Variants in TACR1 observed in about 807,000 individuals in gnomAD.
The protein encoded by TACR1 is tachykinin receptor 1.
Under a neutral mutation model 35.8 loss-of-function variants are expected in TACR1, and 25 were observed. The observed-to-expected ratio is 0.70, with a 90% CI of 0.51 to 0.98. The LOEUF is 0.98. TACR1 is among the 50% of genes least tolerant of loss of function. TACR1 has a pLI of 0.00. For synonymous variants in TACR1, 195 were observed against 206.7 expected (o/e 0.94, Z 0.48); for missense variants, 478 against 522.9 (o/e 0.91, Z 0.84).
At chr2:75,064,454 G>C (rs1482677034) in intron 2 of TACR1, among the ~76,000 whole-genome samples, 2 of 152,226 alleles carry the variant, frequency 1.3e-5, no homozygotes, top group Non-Finnish European at 2.9e-5. Context: ...TAGGGCAGAA[G>C]CCTAATTTAG....
chr2:75,136,162 G>A (rs1256410307), intron 1 of TACR1, among the ~76,000 whole-genome samples: 2 of 152,144 alleles, frequency 1.3e-5, no homozygotes, highest in Non-Finnish European at 2.9e-5. Flanking sequence ...TCATCTCACA[G>A]GGCACAGCCC....
At chr2:75,146,037 G>GC (rs1674503970) in intron 1 of TACR1, among the ~76,000 whole-genome samples, 2 of 152,322 alleles carry the variant, frequency 1.3e-5, no homozygotes, top group South Asian at 4.1e-4. Context: ...CACAAGGAAT[G>GC]CCAGGACAGA....
intron 1 of TACR1, among the ~76,000 whole-genome samples, chr2:75,183,473 C>T (rs769801835): frequency 1.8e-4 from 28 of 152,192 alleles, no homozygotes. Flanking sequence ...ACAAAATGCA[C>T]AGCCAAGTGA....
intron 1 of TACR1, among the ~76,000 whole-genome samples, chr2:75,124,822 A>AGAACCATAGGAG (rs1674042002): frequency 6.6e-6 from 1 of 152,008 alleles, no homozygotes; most frequent in Non-Finnish European, 1.5e-5. Flanking sequence ...AGCAGGAGGA[A>AGAACCATAGGAG]TTAGAACCAT....
chr2:75,160,878 T>A (rs1674991870), intron 1 of TACR1, among the ~76,000 whole-genome samples: 1 of 151,206 alleles, frequency 6.6e-6, no homozygotes, highest in East Asian at 1.9e-4. Context: ...TTCTGATATA[T>A]TTTCTTATTT....
At position 75,164,610 on chromosome 2, in the gene TACR1, G is replaced by T. The variant is rs186350246; in HGVS notation, c.389+33936C>A. Among the ~76,000 whole-genome samples the T allele has an allele frequency of 9.4e-3, 1,431 of 152,226 alleles. 17 individuals are homozygous for T. The highest frequency in any genetic ancestry group is 0.014 in the Non-Finnish European group (944 of 68,006). The stretch of plus-strand genomic sequence containing the variant: ...TGTTGAATTACTTTGGGCTCAGGCA[G>T]TTTGAAAGGTAAACTTAAAAAAAAA... On this transcript the variant is annotated intron_variant, in intron 1 of 4. Coordinates refer to ENST00000305249, the MANE Select transcript of TACR1 (RefSeq NM_001058.4).
At chr2:75,164,171 CA>C (rs201749391) in intron 1 of TACR1, among the ~76,000 whole-genome samples, 4,361 of 151,788 alleles carry the variant, frequency 0.029, 203 homozygotes, top group African/African-American at 0.1. Context: ...ACTAAAAATA[CA>C]AAATATTAGC....
intron 2 of TACR1, among the ~76,000 whole-genome samples, chr2:75,103,497 C>G (rs936656447): frequency 2.6e-5 from 4 of 151,978 alleles, no homozygotes; most frequent in South Asian, 2.1e-4. Context: ...AATTGAGTAA[C>G]TCAAAGAAAT....
rs1224035496 is a variant in TACR1 at position 75,049,122 on chromosome 2, G to A, written c.*310C>T. 5 of 329,534 alleles carry A rather than the reference G, an allele frequency of 1.5e-5. No homozygotes were observed. The highest frequency in any genetic ancestry group is 5.7e-5 in the East Asian group (1 of 17,542). 20.4% of individuals were successfully genotyped at this position (329,534 alleles called of 1,614,324 possible). ...AGAATTCATCCTGAAATGAGCACTCGCATGCAGCCAAAGTCACTTCCAGAA... is the reference window on the plus strand; with the variant it reads ...AGAATTCATCCTGAAATGAGCACTCACATGCAGCCAAAGTCACTTCCAGAA... On this transcript the variant is annotated 3_prime_UTR_variant, in exon 5 of 5. Transcript: ENST00000305249.
At chr2:75,145,643 A>G (rs1004139580) in intron 1 of TACR1, among the ~76,000 whole-genome samples, 4 of 152,224 alleles carry the variant, frequency 2.6e-5, no homozygotes, top group Non-Finnish European at 5.9e-5. Context: ...ATCTAGACAT[A>G]AACACGTACT....
rs771353864 is a variant in TACR1, at chr2:75,103,422, A to C, written c.584+17152T>G. Among the ~76,000 whole-genome samples the C allele has an allele frequency of 3.0e-4, 45 of 152,328 alleles. 1 individual carries two copies. In the Middle Eastern group the frequency reaches 0.014, roughly 46 times the overall value. ...TATGTCATAATGGGGTATGTCAAAG[A>C]GATACAGAAGCAACCTGAAAGTGGC... On this transcript the variant is annotated intron_variant, in intron 2 of 4. Transcript: ENST00000305249.
At chr2:75,086,640 C>T (rs1003557200) in intron 2 of TACR1, among the ~76,000 whole-genome samples, 1 of 152,056 alleles carries the variant, frequency 6.6e-6, no homozygotes, top group Non-Finnish European at 1.5e-5. Context: ...AGGAAAAGGG[C>T]CTGGTCAAGG....
Position 75,049,071 on chromosome 2 carries a change from G to A in TACR1, c.*361C>T, listed in dbSNP as rs540680893. On this transcript the variant is annotated 3_prime_UTR_variant, in exon 5 of 5. Transcript: ENST00000305249. ...GTAACACGGGGCTCCAGGAAAATGA[G>A]TCTTCCGGGTCCGCAGCTGTGCTGC... 1.5e-5 allele frequency: 3 copies of A among 204,896 alleles called. No homozygotes were observed. In the South Asian group the frequency reaches 4.4e-4, roughly 30 times the overall value. 12.7% of individuals were successfully genotyped at this position (204,896 alleles called of 1,614,324 possible).
intron 1 of TACR1, chr2:75,154,526 A>ACACACACACACACACACACT (rs1379600710): frequency 8.5e-6 from 1 of 117,214 alleles, no homozygotes; most frequent in African/African-American, 4.5e-5. Context: ...ACACACACAC[A>ACACACACACACACACACACT]CTCTCTGAAG....
intron 2 of TACR1, among the ~76,000 whole-genome samples, chr2:75,068,289 C>T (rs1008821454): frequency 6.6e-6 from 1 of 152,178 alleles, no homozygotes; most frequent in Non-Finnish European, 1.5e-5. Flanking sequence ...CCCTTAAAGC[C>T]TTCAACTGAT....
At position 75,198,689 on chromosome 2, in the gene TACR1, A is replaced by C. The variant is rs1192997453; in HGVS notation, c.246T>G (p.Ala82=). 6.2e-7 allele frequency: 1 copy of C among 1,614,220 alleles called. No individual in the cohort carries two copies. Among genetic ancestry groups the C allele is most frequent in the Non-Finnish European group, 8.5e-7 (1 of 1,180,030 alleles). The part of the protein sequence containing the change: ...VNLAFAEASM[A]AFNTVVNFTY... Reference sequence around the variant, plus strand: ...TGAAGTTCACCACTGTATTGAATGCAGCCATGGAGGCCTCCGCGAAGGCCA... The same window carrying C: ...TGAAGTTCACCACTGTATTGAATGCCGCCATGGAGGCCTCCGCGAAGGCCA... Residue 82 remains alanine, a synonymous_variant, in exon 1 of 5, where the codon GCT becomes GCG. Coordinates refer to ENST00000305249, the MANE Select transcript of TACR1 (RefSeq NM_001058.4).
At chr2:75,118,807 C>T (rs959226768) in intron 2 of TACR1, 5 of 152,124 alleles carry the variant, frequency 3.3e-5, no homozygotes, top group Non-Finnish European at 5.9e-5. Flanking sequence ...GTTTATATAA[C>T]GAGCTTTAAT....
chr2:75,052,257 C>G (rs1672483918), intron 3 of TACR1, among the ~76,000 whole-genome samples: 1 of 152,154 alleles, frequency 6.6e-6, no homozygotes, highest in South Asian at 2.1e-4. Flanking sequence ...ACCCCTTGCC[C>G]CTTCCACCAT....
At chr2:75,173,334 C>T (rs887729751) in intron 1 of TACR1, among the ~76,000 whole-genome samples, 2 of 152,158 alleles carry the variant, frequency 1.3e-5, no homozygotes, top group Admixed American at 6.5e-5. Flanking sequence ...TAAAGCCTGA[C>T]TGCCAGATTA....
Sources: allele counts gnomAD v4.1 joint callset (sites outside exome capture counted in the v4.1 genomes callset), GRCh38; gene constraint gnomAD v4.1.1; transcripts MANE v1.5; gene names NCBI Gene and HGNC (gene_info 2026-07-23, HGNC 2026-07-21).